VAPA: variants seen among roughly 807,000 people sequenced by gnomAD.
The protein encoded by VAPA is VAMP associated protein A.
VAPA carries 6 observed loss-of-function variants against 25.6 expected under a neutral mutation model. The observed-to-expected ratio is 0.23, with a 90% confidence interval of 0.13 to 0.46. The LOEUF (loss-of-function observed/expected upper bound fraction) is 0.46. Among genes scored for constraint, VAPA ranks in the 20% least tolerant of loss-of-function variants. VAPA has a pLI of 0.99. For synonymous variants in VAPA, 112 were observed against 106.2 expected, an observed-to-expected ratio of 1.05 and a Z score of -0.34; for missense variants, 244 against 302.1, an observed-to-expected ratio of 0.81 and a Z score of 1.43.
intron 4 of VAPA, among the ~76,000 whole-genome samples, chr18:9,939,864 C>T (rs2069349601): frequency 6.6e-6 from 1 of 152,162 alleles, no homozygotes; most frequent in Admixed American, 6.5e-5. Flanking sequence ...AATAATCTGG[C>T]TTAAAATGTC....
intron 4 of VAPA, among the ~76,000 whole-genome samples, chr18:9,939,416 A>C (rs979278454): frequency 7.9e-5 from 12 of 152,034 alleles, no homozygotes; most frequent in African/African-American, 2.9e-4. Context: ...TGGCCTCCCA[A>C]AGTGCTGGGA....
At chr18:9,916,243 T>G (rs1484429675) in intron 1 of VAPA, among the ~76,000 whole-genome samples, 1 of 152,212 alleles carries the variant, frequency 6.6e-6, no homozygotes, top group Non-Finnish European at 1.5e-5. Flanking sequence ...CTCATATATT[T>G]CCTTTTTTGG....
At chr18:9,946,225 G>A (rs1447302672) in intron 4 of VAPA, among the ~76,000 whole-genome samples, 2 of 152,168 alleles carry the variant, frequency 1.3e-5, no homozygotes, top group African/African-American at 4.8e-5. Context: ...GTTGTTAGGT[G>A]ATGTGTTGTA....
At chr18:9,926,650 G>A (rs1038049886) in intron 1 of VAPA, among the ~76,000 whole-genome samples, 2 of 152,118 alleles carry the variant, frequency 1.3e-5, no homozygotes, top group South Asian at 2.1e-4. Flanking sequence ...TAGTGAGTTT[G>A]CATCATAACT....
At chr18:9,936,743 A>C (rs1192066308) in intron 3 of VAPA, 3 of 429,742 alleles carry the variant, frequency 7.0e-6, no homozygotes, top group African/African-American at 4.1e-5. Flanking sequence ...AAATGCTAAG[A>C]AGAAAGTCCT....
At position 9,914,358 on chromosome 18, in the gene VAPA, C is replaced by CGGGTG. The variant is rs1567889560; in HGVS notation, c.79+32_79+36dup. 6.4e-6 allele frequency: 10 copies of CGGGTG among 1,557,580 alleles called. No homozygotes were observed. The South Asian group carries it at 7.0e-5, about 11-fold the overall frequency. ...AAGGTAGGCAGAACGGGGACACCCC[C>CGGGTG]GGGTGGGGTGGGGCGCGCGGACCGC... is the stretch of plus-strand genomic sequence containing the variant. On this transcript the variant is annotated intron_variant, in intron 1 of 5. Transcript: ENST00000400000.
intron 4 of VAPA, chr18:9,950,191 G>C: frequency 1.9e-6 from 1 of 527,732 alleles, no homozygotes; most frequent in Non-Finnish European, 3.3e-6. Context: ...ATAATAAAGT[G>C]CTATGGTAGA....
intron 4 of VAPA, among the ~76,000 whole-genome samples, chr18:9,939,002 AAAAG>A (rs1237196699): frequency 1.3e-5 from 2 of 152,334 alleles, no homozygotes; most frequent in South Asian, 2.1e-4. Context: ...GTACTTTAAA[AAAAG>A]AGATAAAAGA....
At chr18:9,952,456 A>G (rs928234450) in intron 5 of VAPA, among the ~76,000 whole-genome samples, 1 of 151,522 alleles carries the variant, frequency 6.6e-6, no homozygotes. Context: ...AATCCCAGCT[A>G]CTTGGGAGGC....
chr18:9,915,141 C>T (rs943945883), intron 1 of VAPA: 1 of 152,332 alleles, frequency 6.6e-6, no homozygotes, highest in African/African-American at 2.4e-5. Flanking sequence ...TTCCTGCCTT[C>T]TACGACATTT....
At chr18:9,916,503 A>G (rs764819809) in intron 1 of VAPA, among the ~76,000 whole-genome samples, 20 of 152,220 alleles carry the variant, frequency 1.3e-4, no homozygotes, top group Non-Finnish European at 7.3e-5. Context: ...CTGCTGTGAG[A>G]GAATGCCTGG....
intron 4 of VAPA, among the ~76,000 whole-genome samples, chr18:9,938,468 A>C (rs1045908537): frequency 5.9e-5 from 9 of 152,238 alleles, no homozygotes; most frequent in Admixed American, 5.2e-4. Context: ...AAGAGCAGTT[A>C]TGCCTACCTA....
chr18:9,936,691 C>T, intron 3 of VAPA: 1 of 289,228 alleles, frequency 3.5e-6, no homozygotes, highest in Non-Finnish European at 6.4e-6. Context: ...GACTGCACTC[C>T]AGCCTGGGAA....
rs747717940 is a variant in VAPA at position 9,954,232 on chromosome 18, G to GTTT, written c.*22_*24dup. The GTTT allele has an allele frequency of 1.3e-6, 2 of 1,510,108 alleles. No homozygotes were observed. Among genetic ancestry groups the GTTT allele is most frequent in the African/African-American group, 1.5e-5 (1 of 67,354 alleles). 93.5% of individuals were successfully genotyped at this position (1,510,108 alleles called of 1,614,324 possible). On this transcript the variant is annotated 3_prime_UTR_variant, in exon 6 of 6. Coordinates refer to ENST00000400000, the MANE Select transcript of VAPA (RefSeq NM_194434.3). Reference sequence around the variant, plus strand: ...TGTAGAGTGAAGCATGCAGAGTGCTGTTTCTTTTTTTTTTTTTCTCTTGAC... The same window carrying GTTT: ...TGTAGAGTGAAGCATGCAGAGTGCTGTTTTTTCTTTTTTTTTTTTTCTCTTGAC...
intron 4 of VAPA, among the ~76,000 whole-genome samples, chr18:9,941,557 C>T (rs191424388): frequency 6.6e-6 from 1 of 152,202 alleles, no homozygotes; most frequent in East Asian, 1.9e-4. Context: ...TTGTATCCTG[C>T]TGTTTCTAGG....
chr18:9,954,577 G>C lies in VAPA; in HGVS notation c.*366G>C, dbSNP rs2069525226. ...ATCCCTTTAAATTTTATCTGTTGCT[G>C]TTACCTCTTGAAATATGATTTATTT... On this transcript the variant is annotated 3_prime_UTR_variant, in exon 6 of 6. Coordinates refer to ENST00000400000, the MANE Select transcript of VAPA (RefSeq NM_194434.3). 1 of 166,664 alleles carries C rather than the reference G, an allele frequency of 6.0e-6. No homozygotes were observed. The highest frequency in any genetic ancestry group is 1.3e-5 in the Non-Finnish European group (1 of 78,248). The allele number at this position is 166,664 out of a possible 1,614,324, so 10.3% of individuals were successfully genotyped here. A position where few individuals can be genotyped will look rare whatever the true frequency, so the allele number is the denominator to read the frequency against.
At chr18:9,952,574 A>AC (rs2069501232) in intron 5 of VAPA, among the ~76,000 whole-genome samples, 1 of 151,836 alleles carries the variant, frequency 6.6e-6, no homozygotes, top group African/African-American at 2.4e-5. Flanking sequence ...CAAAAAAAAA[A>AC]AAAAAACAAA....
intron 4 of VAPA, among the ~76,000 whole-genome samples, chr18:9,943,862 T>A (rs2069391940): frequency 1.8e-5 from 2 of 111,548 alleles, no homozygotes; most frequent in African/African-American, 6.7e-5. Flanking sequence ...TTTTTTTTTT[T>A]TTTTTTTTTT....
Position 9,958,902 on chromosome 18 carries a change from G to T in VAPA, c.*4691G>T, listed in dbSNP as rs906878452. On this transcript the variant is annotated 3_prime_UTR_variant, in exon 6 of 6. Coordinates refer to ENST00000400000, the MANE Select transcript of VAPA (RefSeq NM_194434.3). Reference sequence around the variant, plus strand: ...GGGCTTCAGTATTAATTGCCATTTTGCTGACACCCAGTGTACCTACCTACC... The same window carrying T: ...GGGCTTCAGTATTAATTGCCATTTTTCTGACACCCAGTGTACCTACCTACC... 2 of 152,194 alleles carry T rather than the reference G, an allele frequency of 1.3e-5. No individual in the cohort carries two copies. The highest frequency in any genetic ancestry group is 2.4e-5 in the African/African-American group (1 of 41,462). 9.4% of individuals were successfully genotyped at this position (152,194 alleles called of 1,614,324 possible). A position where few individuals can be genotyped will look rare whatever the true frequency, so the allele number is the denominator to read the frequency against.
Sources: allele counts gnomAD v4.1 joint callset (sites outside exome capture counted in the v4.1 genomes callset), GRCh38; gene constraint gnomAD v4.1.1; transcripts MANE v1.5; gene names NCBI Gene and HGNC (gene_info 2026-07-23, HGNC 2026-07-21).